Variants in LIMA1 observed in about 807,000 individuals in gnomAD.
LIMA1 encodes LIM domain and actin binding 1.
LIMA1 carries 52 observed loss-of-function variants against 62.6 expected under a neutral mutation model. The ratio of observed to expected loss-of-function variants is 0.83; its 90% confidence interval spans 0.67 to 1.05. The LOEUF is 1.05. Ranked by LOEUF, LIMA1 falls within the 50% of genes least tolerant of loss-of-function variation. LIMA1 has a pLI of 0.00. For synonymous variants in LIMA1, 302 were observed against 317.8 expected (o/e 0.95, Z 0.53); for missense variants, 780 against 902.2 (o/e 0.86, Z 1.74).
At position 50,177,458 on chromosome 12, in the gene LIMA1, C is replaced by T; in HGVS notation, c.1886G>A (p.Arg629Lys). Residue 629 changes from arginine to lysine, a missense_variant, in exon 11 of 11, where the codon AGA becomes AAA. By Grantham distance (26) the Arg-to-Lys change is conservative. Coordinates refer to ENST00000341247, the MANE Select transcript of LIMA1 (RefSeq NM_016357.5). ...TTCCACTTGTTTCCTTTCTGCAACT[C>T]TTCCACCCACAGACTCTTCACTCTG... ...SEQSEESVGG[R>K]VAERKQVENA... 6.2e-7 allele frequency: 1 copy of T among 1,614,128 alleles called. No individual in the cohort carries two copies. Among genetic ancestry groups the T allele is most frequent in the Non-Finnish European group, 8.5e-7 (1 of 1,180,034 alleles).
intron 3 of LIMA1, among the ~76,000 whole-genome samples, chr12:50,225,859 A>G (rs189916760): frequency 2.0e-5 from 3 of 152,190 alleles, no homozygotes; most frequent in African/African-American, 7.2e-5. Flanking sequence ...CTTAATAACC[A>G]TATAGTATAT....
intron 4 of LIMA1, among the ~76,000 whole-genome samples, chr12:50,215,709 G>A (rs1941333200): frequency 1.3e-5 from 2 of 151,884 alleles, no homozygotes; most frequent in Admixed American, 1.3e-4. Flanking sequence ...TCCTGACCTC[G>A]TGATCCGCCT....
intron 3 of LIMA1, among the ~76,000 whole-genome samples, chr12:50,225,282 T>C (rs1427916789): frequency 6.6e-6 from 1 of 152,158 alleles, no homozygotes; most frequent in Non-Finnish European, 1.5e-5. Context: ...TAATAACTTA[T>C]TGGGGGAAAA....
At chr12:50,270,569 C>A (rs945051395) in intron 1 of LIMA1, among the ~76,000 whole-genome samples, 1 of 139,110 alleles carries the variant, frequency 7.2e-6, no homozygotes, top group Non-Finnish European at 1.5e-5. Context: ...CACGCCACTG[C>A]ACTCCAGCCT....
chr12:50,275,347 C>A (rs1053813884), intron 1 of LIMA1, among the ~76,000 whole-genome samples: 1 of 151,972 alleles, frequency 6.6e-6, no homozygotes, highest in Non-Finnish European at 1.5e-5. Flanking sequence ...CAACCTGGGA[C>A]AGAATGAAAC....
At chr12:50,185,029 A>G (rs563314633) in intron 9 of LIMA1, among the ~76,000 whole-genome samples, 3 of 152,084 alleles carry the variant, frequency 2.0e-5, no homozygotes, top group Non-Finnish European at 4.4e-5. Context: ...ATGGGGTTTC[A>G]CCATGTTGGT....
At chr12:50,261,338 G>A (rs999356496) in intron 1 of LIMA1, among the ~76,000 whole-genome samples, 9 of 151,882 alleles carry the variant, frequency 5.9e-5, no homozygotes, top group African/African-American at 2.2e-4. Flanking sequence ...AGGCGTGATA[G>A]TGTATTGCTT....
intron 9 of LIMA1, chr12:50,187,294 C>T (rs1402665481): frequency 1.3e-5 from 2 of 152,186 alleles, no homozygotes; most frequent in East Asian, 3.8e-4. Context: ...TTGATGTTAA[C>T]TAGCCTTTAG....
intron 3 of LIMA1, among the ~76,000 whole-genome samples, chr12:50,224,876 T>C (rs1197521513): frequency 6.7e-6 from 1 of 150,196 alleles, no homozygotes; most frequent in Non-Finnish European, 1.5e-5. Flanking sequence ...GGACTACAGG[T>C]GTATGTCAGC....
chr12:50,191,590 G>C (rs1487784265), intron 9 of LIMA1, among the ~76,000 whole-genome samples: 1 of 152,158 alleles, frequency 6.6e-6, no homozygotes, highest in Admixed American at 6.6e-5. Context: ...GGGAGGCCAA[G>C]GCAGGCGGAT....
At chr12:50,194,236 G>T (rs1168045826) in intron 8 of LIMA1, among the ~76,000 whole-genome samples, 1 of 149,478 alleles carries the variant, frequency 6.7e-6, no homozygotes, top group South Asian at 2.1e-4. Context: ...TGATCCACCC[G>T]CCTTGGCCTC....
chr12:50,265,345 ACCCCATCT>A (rs1464294178), intron 1 of LIMA1, among the ~76,000 whole-genome samples: 1 of 151,396 alleles, frequency 6.6e-6, no homozygotes, highest in Non-Finnish European at 1.5e-5. Flanking sequence ...ACATGGAGAA[ACCCCATCT>A]CTACTAAAAA....
intron 1 of LIMA1, among the ~76,000 whole-genome samples, chr12:50,277,216 T>C (rs1043012338): frequency 1.3e-5 from 2 of 150,838 alleles, no homozygotes; most frequent in African/African-American, 4.9e-5. Flanking sequence ...TTTTGACTTC[T>C]TTTTTTTTCT....
intron 9 of LIMA1, chr12:50,185,728 C>T (rs1362225701): frequency 3.1e-6 from 1 of 319,012 alleles, no homozygotes; most frequent in Non-Finnish European, 6.2e-6. Context: ...CTTACTACCT[C>T]CCACACCTGA....
At chr12:50,193,636 G>A (rs1366220942) in intron 8 of LIMA1, among the ~76,000 whole-genome samples, 23 of 73,008 alleles carry the variant, frequency 3.2e-4, no homozygotes, top group African/African-American at 1.9e-3. Context: ...ATATACGTGT[G>A]TGTGTGTGTG....
intron 4 of LIMA1, among the ~76,000 whole-genome samples, chr12:50,209,697 ACT>A (rs1349018964): frequency 6.6e-6 from 1 of 151,910 alleles, no homozygotes; most frequent in Non-Finnish European, 1.5e-5. Context: ...ACAGAGTCTT[ACT>A]CTGTCACCCA....
At chr12:50,242,549 C>A (rs1486698112) in intron 2 of LIMA1, among the ~76,000 whole-genome samples, 2 of 152,088 alleles carry the variant, frequency 1.3e-5, no homozygotes, top group East Asian at 3.9e-4. Context: ...AAGGTAGAGG[C>A]ATGCTGGCAG....
At chr12:50,282,867 T>A (rs1024711550) in intron 1 of LIMA1, among the ~76,000 whole-genome samples, 1 of 152,168 alleles carries the variant, frequency 6.6e-6, no homozygotes, top group Non-Finnish European at 1.5e-5. Flanking sequence ...CACCAACATA[T>A]GTCGGGGGCA....
At chr12:50,229,606 A>G (rs1191759486) in intron 3 of LIMA1, among the ~76,000 whole-genome samples, 1 of 152,174 alleles carries the variant, frequency 6.6e-6, no homozygotes, top group Admixed American at 6.6e-5. Context: ...TGACGAGTTA[A>G]TGGGTGCAGC....
Sources: gnomAD v4.1 joint callset for allele counts (sites outside exome capture counted in the v4.1 genomes callset) on GRCh38, gnomAD v4.1.1 for gene constraint, MANE v1.5 for transcripts, NCBI Gene and HGNC (gene_info 2026-07-23, HGNC 2026-07-21) for gene names.